SDK1: variants seen among roughly 807,000 people sequenced by gnomAD.
The protein encoded by SDK1 is sidekick cell adhesion molecule 1.
A neutral mutation model predicts 245.5 loss-of-function variants in SDK1; 157 were observed. The ratio of observed to expected loss-of-function variants is 0.64; its 90% CI spans 0.56 to 0.73. The LOEUF is 0.73. Among genes scored for constraint, SDK1 ranks in the 30% least tolerant of loss-of-function variants. The pLI is 0.00. For missense variants in SDK1, 3,583 were observed against 3,002.3 expected, an observed-to-expected ratio of 1.19 and a Z score of -4.52; for synonymous variants, 1,647 against 1,278.5, an observed-to-expected ratio of 1.29 and a Z score of -6.15.
At position 3,527,670 on chromosome 7, in the gene SDK1, G is replaced by A. The variant is rs191258140; in HGVS notation, c.299-91410G>A. On this transcript the variant is annotated intron_variant, in intron 1 of 44. Transcript: ENST00000404826. The stretch of plus-strand genomic sequence containing the variant: ...GGAGGTGAGGTTGGAGGGATAGCCG[G>A]TTAGCAGGTGAGTGGTGGGAGGTGA... Among the ~76,000 whole-genome samples the A allele has an allele frequency of 2.6e-3, 367 of 142,304 alleles. 3 individuals carry two copies. Among genetic ancestry groups the A allele is most frequent in the South Asian group, 0.021 (84 of 4,088 alleles). 93.4% of individuals were successfully genotyped at this position (142,304 alleles called of 152,430 possible).
intron 40 of SDK1, among the ~76,000 whole-genome samples, chr7:4,226,169 G>A (rs190889657): frequency 9.2e-5 from 14 of 152,310 alleles, no homozygotes; most frequent in Admixed American, 2.0e-4. Context: ...CTGGCAAGAC[G>A]TTCTCCAGGT....
At chr7:3,412,144 G>C (rs924849482) in intron 1 of SDK1, among the ~76,000 whole-genome samples, 3 of 152,116 alleles carry the variant, frequency 2.0e-5, no homozygotes, top group African/African-American at 7.2e-5. Flanking sequence ...CTAGATTTAG[G>C]GGTGTAAGAT....
intron 26 of SDK1, chr7:4,129,544 G>C (rs1784648925): frequency 5.3e-6 from 3 of 561,372 alleles, no homozygotes; most frequent in East Asian, 9.7e-5. Context: ...AACCCAGGGG[G>C]CTGCTGGCTC....
intron 4 of SDK1, among the ~76,000 whole-genome samples, chr7:3,704,557 A>G (rs1011369082): frequency 5.9e-5 from 9 of 151,922 alleles, no homozygotes; most frequent in African/African-American, 2.2e-4. Context: ...CTTACTGATT[A>G]GTTTGAGTTC....
intron 4 of SDK1, chr7:3,643,595 C>A (rs868368498): frequency 1.4e-4 from 20 of 142,080 alleles, no homozygotes; most frequent in Admixed American, 1.3e-3. Context: ...ATTCTCCTCT[C>A]CCACCCCCAC....
rs146669468 is a variant in SDK1 at position 3,530,436 on chromosome 7, C to G, written c.299-88644C>G. On this transcript the variant is annotated intron_variant, in intron 1 of 44. Transcript: ENST00000404826. ...CCCAAATTACTAAAGGAAAATTTGT[C>G]TTTTGTAATGTTATTAACCTGTGCA... Among the ~76,000 whole-genome samples, 541 of 152,218 alleles carry G rather than the reference C, an allele frequency of 3.6e-3. 2 individuals carry two copies. Among genetic ancestry groups the G allele is most frequent in the African/African-American group, 0.011 (477 of 41,546 alleles).
intron 2 of SDK1, among the ~76,000 whole-genome samples, chr7:3,633,173 T>A (rs1782349979): frequency 6.6e-6 from 1 of 152,182 alleles, no homozygotes; most frequent in Non-Finnish European, 1.5e-5. Context: ...ATAGATATTT[T>A]CATACCAGCA....
chr7:4,109,427 C>G (rs1214510833), intron 22 of SDK1, among the ~76,000 whole-genome samples: 2 of 152,226 alleles, frequency 1.3e-5, no homozygotes, highest in African/African-American at 2.4e-5. Flanking sequence ...CCTTGGTTTC[C>G]TCTGCACACT....
At chr7:3,302,661 C>T (rs996098588) in intron 1 of SDK1, among the ~76,000 whole-genome samples, 4 of 150,346 alleles carry the variant, frequency 2.7e-5, no homozygotes, top group African/African-American at 9.8e-5. Context: ...TGCCAGCTAG[C>T]ATCGTTTTCT....
At chr7:3,894,453 G>A (rs1052895283) in intron 5 of SDK1, among the ~76,000 whole-genome samples, 2 of 151,894 alleles carry the variant, frequency 1.3e-5, no homozygotes, top group African/African-American at 2.4e-5. Context: ...GGGGTGGTGG[G>A]GGAGTGGGCT....
At chr7:3,476,966 G>T (rs1781364334) in intron 1 of SDK1, among the ~76,000 whole-genome samples, 2 of 152,172 alleles carry the variant, frequency 1.3e-5, no homozygotes, top group South Asian at 2.1e-4. Context: ...TAGGCGTGAG[G>T]GAAGCCATAT....
chr7:3,313,450 G>A (rs1175630935), intron 1 of SDK1, among the ~76,000 whole-genome samples: 3 of 152,106 alleles, frequency 2.0e-5, no homozygotes, highest in Non-Finnish European at 2.9e-5. Flanking sequence ...CAAAGTTGAT[G>A]ATTAGTAGTT....
chr7:3,527,031 C>T (rs575219598), intron 1 of SDK1, among the ~76,000 whole-genome samples: 24 of 152,240 alleles, frequency 1.6e-4, no homozygotes, highest in Non-Finnish European at 2.8e-4. Context: ...ATTAATGATG[C>T]ATTTCTGGTT....
At chr7:4,167,362 C>T (rs1404787755) in intron 32 of SDK1, among the ~76,000 whole-genome samples, 1 of 152,124 alleles carries the variant, frequency 6.6e-6, no homozygotes, top group Non-Finnish European at 1.5e-5. Flanking sequence ...AAGATCACAC[C>T]ACTGCACTCC....
intron 7 of SDK1, among the ~76,000 whole-genome samples, chr7:3,952,371 G>A (rs1780905119): frequency 6.6e-6 from 1 of 152,140 alleles, no homozygotes; most frequent in African/African-American, 2.4e-5. Flanking sequence ...TTGAGGCCAG[G>A]AGTTCGAGAC....
chr7:3,455,673 A>T (rs1294539567), intron 1 of SDK1, among the ~76,000 whole-genome samples: 1 of 151,940 alleles, frequency 6.6e-6, no homozygotes, highest in Non-Finnish European at 1.5e-5. Flanking sequence ...CACAGTTTTG[A>T]TTATGGAGCT....
intron 4 of SDK1, among the ~76,000 whole-genome samples, chr7:3,677,004 G>T (rs1783922923): frequency 1.3e-5 from 2 of 151,992 alleles, no homozygotes; most frequent in African/African-American, 4.8e-5. Context: ...CTGTTCCCTG[G>T]ACATACCAAG....
chr7:3,542,497 A>C (rs1385813123), intron 1 of SDK1, among the ~76,000 whole-genome samples: 2 of 152,262 alleles, frequency 1.3e-5, no homozygotes, highest in African/African-American at 4.8e-5. Context: ...CTGAAATGGG[A>C]GACATCGTTG....
chr7:3,675,885 TG>T (rs1010953792), intron 4 of SDK1, among the ~76,000 whole-genome samples: 1 of 152,258 alleles, frequency 6.6e-6, no homozygotes, highest in Non-Finnish European at 1.5e-5. Flanking sequence ...GGTTGTTTTT[TG>T]CTTGCTGATT....
Sources: gnomAD v4.1 joint callset for allele counts (sites outside exome capture counted in the v4.1 genomes callset) on GRCh38, gnomAD v4.1.1 for gene constraint, MANE v1.5 for transcripts, NCBI Gene and HGNC (gene_info 2026-07-23, HGNC 2026-07-21) for gene names.